The following ITIH5 variants were observed in gnomAD, a reference collection of about 807,000 sequenced individuals.
ITIH5 encodes inter-alpha-trypsin inhibitor heavy chain 5.
In ITIH5, 65 loss-of-function variants were observed where a neutral mutation model predicts 77.5. The ratio of observed to expected loss-of-function variants is 0.84; its 90% CI spans 0.69 to 1.03. The LOEUF is 1.03. Among genes scored for constraint, ITIH5 ranks in the 50% least tolerant of loss-of-function variants. The probability of loss-of-function intolerance (pLI) is 0.00; values close to 1 mark genes in which losing one functional copy is unlikely to be tolerated. For missense variants in ITIH5, 1,208 were observed against 1,213.1 expected, an observed-to-expected ratio of 1.00 and a Z score of 0.06; for synonymous variants, 525 against 494.3, an observed-to-expected ratio of 1.06 and a Z score of -0.82.
chr10:7,582,278 G>A (rs966796585), intron 8 of ITIH5, among the ~76,000 whole-genome samples: 11 of 152,188 alleles, frequency 7.2e-5, no homozygotes, highest in Non-Finnish European at 1.5e-4. Context: ...TTTGATAGGA[G>A]CTGAACAAGT....
chr10:7,632,297 T>A (rs181730601), intron 5 of ITIH5, among the ~76,000 whole-genome samples: 2,606 of 152,284 alleles, frequency 0.017, 23 homozygotes, highest in Non-Finnish European at 0.026. Context: ...GGGGCTGGGG[T>A]AGCAACAGGA....
rs774968669 is a variant in ITIH5 at position 7,640,820 on chromosome 10, G to C, written c.335C>G (p.Thr112Arg). 5.0e-6 allele frequency: 8 copies of C among 1,613,074 alleles called. No individual in the cohort carries two copies. Among genetic ancestry groups the C allele is most frequent in the Admixed American group, 1.7e-5 (1 of 59,980 alleles). The change falls in exon 4 of 14, where the codon ACA (threonine) becomes AGA (arginine). Residue 112 changes from threonine to arginine, a missense_variant. Physicochemically the swap from Thr to Arg is moderately conservative, Grantham distance 71 (BLOSUM62 -1). Coordinates refer to ENST00000397146, the MANE Select transcript of ITIH5 (RefSeq NM_030569.7). ...IGDKVYQGEITEREKKSGDRV... is the reference protein window; with the variant it reads ...IGDKVYQGEIREREKKSGDRV... Reference sequence around the variant, plus strand: ...ATCACCACTCTTCTTTTCTCTCTCTGTAATTTCGCCCTGATACACCTTGTC... The same window carrying C: ...ATCACCACTCTTCTTTTCTCTCTCTCTAATTTCGCCCTGATACACCTTGTC...
At chr10:7,565,486 G>T (rs1339974769) in intron 13 of ITIH5, among the ~76,000 whole-genome samples, 1 of 149,834 alleles carries the variant, frequency 6.7e-6, no homozygotes, top group Non-Finnish European at 1.5e-5. Context: ...TATACAGACT[G>T]ATTATATATT....
intron 8 of ITIH5, among the ~76,000 whole-genome samples, chr10:7,585,652 G>A (rs1458832285): frequency 6.6e-6 from 1 of 152,064 alleles, no homozygotes; most frequent in East Asian, 1.9e-4. Flanking sequence ...AACCAGGCAA[G>A]CCTCCAAACA....
chr10:7,608,429 G>A (rs990513951), intron 7 of ITIH5, among the ~76,000 whole-genome samples: 2 of 152,102 alleles, frequency 1.3e-5, no homozygotes, highest in Non-Finnish European at 2.9e-5. Flanking sequence ...ACAGATGTGG[G>A]CCATCATGCC....
chr10:7,660,258 A>G (rs1417366324), intron 1 of ITIH5, among the ~76,000 whole-genome samples: 4 of 152,252 alleles, frequency 2.6e-5, no homozygotes, highest in Non-Finnish European at 5.9e-5. Flanking sequence ...AGAAGAGATC[A>G]CTATGCTCTT....
intron 6 of ITIH5, 125 bp from the exon 7 acceptor site, chr10:7,616,223 C>T (rs1588402001): frequency 1.9e-5 from 12 of 631,820 alleles, no homozygotes; most frequent in Middle Eastern, 3.4e-4. Context: ...TGAGATTCCA[C>T]ACCCGGAGTA....
At chr10:7,662,723 A>G (rs1588435333) in intron 1 of ITIH5, among the ~76,000 whole-genome samples, 1 of 152,252 alleles carries the variant, frequency 6.6e-6, no homozygotes, top group Non-Finnish European at 1.5e-5. Context: ...CTGCTTTGGG[A>G]GTGACCAAAT....
rs775748869 is a variant in ITIH5, at chr10:7,566,370, G to A, written c.2187C>T (p.Ala729=). The change falls in exon 13 of 14, where the codon GCC becomes GCT. Residue 729 remains alanine, a synonymous_variant. Coordinates refer to ENST00000397146, the MANE Select transcript of ITIH5 (RefSeq NM_030569.7). ...TVNGELIGAP[A]PPNGHKKQRT... ...GCTGTTTCTTGTGGCCATTTGGAGG[G>A]GCGGGTGCCCCAATTAACTCTCCGT... The A allele has an allele frequency of 1.9e-6, 3 of 1,603,618 alleles. No individual in the cohort carries two copies. Among genetic ancestry groups the A allele is most frequent in the East Asian group, 2.2e-5 (1 of 44,536 alleles).
chr10:7,643,855 T>A lies in ITIH5; in HGVS notation c.136-1765A>T, dbSNP rs551171741. The stretch of plus-strand genomic sequence containing the variant: ...TTATTCTATTTAAACAAATACGCAC[T>A]CAAAATGTTTGCGTGAAATCACGAT... On this transcript the variant is annotated intron_variant, in intron 2 of 13. Coordinates refer to ENST00000397146, the MANE Select transcript of ITIH5 (RefSeq NM_030569.7). Among the ~76,000 whole-genome samples the A allele has an allele frequency of 7.9e-5, 12 of 152,346 alleles. No individual in the cohort carries two copies. The East Asian group carries it at 2.3e-3, about 29-fold the overall frequency.
intron 7 of ITIH5, among the ~76,000 whole-genome samples, chr10:7,605,303 C>T (rs891897831): frequency 1.3e-5 from 2 of 151,574 alleles, no homozygotes; most frequent in Admixed American, 6.6e-5. Context: ...TTCTAAGAGG[C>T]CTTTGAGACT....
intron 1 of ITIH5, among the ~76,000 whole-genome samples, chr10:7,659,893 C>T (rs1240791163): frequency 7.2e-5 from 11 of 152,100 alleles, no homozygotes; most frequent in Admixed American, 5.9e-4. Context: ...ATTCCTGATC[C>T]TTTTTATTGT....
At chr10:7,569,996 C>T (rs1346282166) in intron 11 of ITIH5, 17 of 465,798 alleles carry the variant, frequency 3.6e-5, no homozygotes, top group Middle Eastern at 5.6e-4. Flanking sequence ...AAACATTTGA[C>T]TTCAGGTCTT....
At chr10:7,642,250 A>G in intron 2 of ITIH5, among the ~76,000 whole-genome samples, 160 bp from the exon 3 acceptor site, 1 of 151,216 alleles carries the variant, frequency 6.6e-6, no homozygotes, top group East Asian at 1.9e-4. Flanking sequence ...TGATTTCCCC[A>G]TTTTTAACTC....
chr10:7,569,702 G>A lies in ITIH5; in HGVS notation c.2115C>T (p.Asp705=). 1 of 1,612,204 alleles carries A rather than the reference G, an allele frequency of 6.2e-7. No homozygotes were observed. Among genetic ancestry groups the A allele is most frequent in the Non-Finnish European group, 8.5e-7 (1 of 1,179,218 alleles). ...TGTGATCAGAGACCAGCCTGAGGATGTCCCCGGGCTGCCCATCAATGTTGA... is the reference window on the plus strand; with the variant it reads ...TGTGATCAGAGACCAGCCTGAGGATATCCCCGGGCTGCCCATCAATGTTGA... The part of the protein sequence containing the change: ...VCFNIDGQPG[D]ILRLVSDHRD... The change falls in exon 12 of 14, where the codon GAC becomes GAT. Residue 705 remains aspartate, a synonymous_variant. Coordinates refer to ENST00000397146, the MANE Select transcript of ITIH5 (RefSeq NM_030569.7).
chr10:7,657,362 C>A (rs1041721409), intron 1 of ITIH5, among the ~76,000 whole-genome samples: 1 of 151,992 alleles, frequency 6.6e-6, no homozygotes, highest in African/African-American at 2.4e-5. Flanking sequence ...TAACTTTTTA[C>A]GATACTGCCA....
intron 5 of ITIH5, among the ~76,000 whole-genome samples, chr10:7,634,473 G>A (rs79292448): frequency 6.6e-6 from 1 of 152,078 alleles, no homozygotes; most frequent in Non-Finnish European, 1.5e-5. Flanking sequence ...TGTTCTGGAC[G>A]GCAAAGTATC....
Position 7,559,499 on chromosome 10 carries a change from TATTTA to T in ITIH5, c.*3579_*3583del, listed in dbSNP as rs1158685621. 6.1e-6 allele frequency: 1 copy of T among 164,092 alleles called. No individual in the cohort carries two copies. The highest frequency in any genetic ancestry group is 1.3e-5 in the Non-Finnish European group (1 of 76,132). 10.2% of individuals were successfully genotyped at this position (164,092 alleles called of 1,614,324 possible). A position where few individuals can be genotyped will look rare whatever the true frequency, so the allele number is the denominator to read the frequency against. On this transcript the variant is annotated 3_prime_UTR_variant, in exon 14 of 14. Coordinates refer to ENST00000397146, the MANE Select transcript of ITIH5 (RefSeq NM_030569.7). Reference sequence around the variant, plus strand: ...GTATTTGCTTAGCTGTGTTATTTGTTATTTATTTTAGCTGGATCATGTCCTACAGT... The same window carrying T: ...GTATTTGCTTAGCTGTGTTATTTGTTTTTTAGCTGGATCATGTCCTACAGT...
chr10:7,649,515 TAG>T lies in ITIH5; in HGVS notation c.135+6114_135+6115del, dbSNP rs1564280485. On this transcript the variant is annotated intron_variant, in intron 2 of 13. Coordinates refer to ENST00000397146, the MANE Select transcript of ITIH5 (RefSeq NM_030569.7). Reference sequence around the variant, plus strand: ...GTAAGTGGATAGATGGATAGATAGATAGATGGATAGATAGATAGGTAGGTAGA... The same window carrying T: ...GTAAGTGGATAGATGGATAGATAGATATGGATAGATAGATAGGTAGGTAGA... Among the ~76,000 whole-genome samples, 4 of 117,564 alleles carry T rather than the reference TAG, an allele frequency of 3.4e-5. No individual in the cohort carries two copies. The East Asian group carries it at 1.5e-3, about 45-fold the overall frequency. The allele number at this position is 117,564 out of a possible 152,430, so 77.1% of individuals were successfully genotyped here. A position where few individuals can be genotyped will look rare whatever the true frequency, so the allele number is the denominator to read the frequency against.
Sources: gnomAD v4.1 joint callset for allele counts (sites outside exome capture counted in the v4.1 genomes callset) on GRCh38, gnomAD v4.1.1 for gene constraint, MANE v1.5 for transcripts, NCBI Gene and HGNC (gene_info 2026-07-23, HGNC 2026-07-21) for gene names.